The following ACOXL variants were observed in gnomAD, a reference collection of about 807,000 sequenced individuals.
The protein encoded by ACOXL is acyl-CoA oxidase like, also known as acyl-coenzyme A oxidase-like protein.
Under a neutral mutation model 71.9 loss-of-function variants are expected in ACOXL, and 70 were observed. That is an observed-to-expected ratio of 0.97 (90% CI 0.80 to 1.19). The LOEUF is 1.19. ACOXL is among the 50% of genes most tolerant of loss of function. The pLI, the probability that ACOXL is intolerant of heterozygous loss-of-function variation, is 0.00. For synonymous variants in ACOXL, 253 were observed against 281.6 expected (o/e 0.90, Z 1.02); for missense variants, 703 against 736.3 (o/e 0.95, Z 0.52).
intron 10 of ACOXL, among the ~76,000 whole-genome samples, chr2:110,844,341 TACA>T (rs982466997): frequency 2.0e-5 from 3 of 152,310 alleles, no homozygotes; most frequent in Admixed American, 6.5e-5. Flanking sequence ...TTCTGGAAAG[TACA>T]ACAACATTTG....
intron 5 of ACOXL, among the ~76,000 whole-genome samples, chr2:110,794,632 G>A (rs1334227934): frequency 5.9e-5 from 9 of 152,164 alleles, no homozygotes; most frequent in Admixed American, 4.6e-4. Flanking sequence ...ATCATGTGCT[G>A]TCCCTTACCG....
chr2:111,061,926 A>T (rs1271301302), intron 16 of ACOXL, among the ~76,000 whole-genome samples: 1 of 152,070 alleles, frequency 6.6e-6, no homozygotes, highest in Non-Finnish European at 1.5e-5. Flanking sequence ...AAGAAAAAAA[A>T]GAAATGAGAA....
At chr2:110,932,690 A>T (rs569788272) in intron 11 of ACOXL, among the ~76,000 whole-genome samples, 1 of 152,224 alleles carries the variant, frequency 6.6e-6, no homozygotes, top group African/African-American at 2.4e-5. Context: ...TTGGAACCTG[A>T]TCCTATGTGT....
intron 1 of ACOXL, among the ~76,000 whole-genome samples, chr2:110,767,349 T>G (rs1368282399): frequency 6.6e-6 from 1 of 152,048 alleles, no homozygotes; most frequent in African/African-American, 2.4e-5. Flanking sequence ...GCTGGATTGG[T>G]GGGGAGAACC....
At chr2:111,037,387 CTGT>C (rs2065567542) in intron 15 of ACOXL, among the ~76,000 whole-genome samples, 1 of 152,158 alleles carries the variant, frequency 6.6e-6, no homozygotes, top group Non-Finnish European at 1.5e-5. Flanking sequence ...CCTGAAGACT[CTGT>C]TGCCCTGGGG....
At chr2:110,812,237 G>T (rs933170581) in intron 9 of ACOXL, among the ~76,000 whole-genome samples, 2 of 152,078 alleles carry the variant, frequency 1.3e-5, no homozygotes, top group African/African-American at 4.8e-5. Flanking sequence ...GGTATAAAAT[G>T]GTTAAATAAT....
At chr2:111,117,381 C>G (rs1007221815) in intron 17 of ACOXL, among the ~76,000 whole-genome samples, 2 of 152,224 alleles carry the variant, frequency 1.3e-5, no homozygotes, top group African/African-American at 4.8e-5. Context: ...ACGCCCACCC[C>G]CTTACGGGAA....
chr2:110,894,711 G>T, intron 10 of ACOXL, among the ~76,000 whole-genome samples: 1 of 152,170 alleles, frequency 6.6e-6, no homozygotes, highest in East Asian at 1.9e-4. Context: ...TGCAGTGGTG[G>T]TGTTACAGGA....
chr2:110,862,949 A>G (rs1165629524), intron 10 of ACOXL, among the ~76,000 whole-genome samples: 2 of 152,196 alleles, frequency 1.3e-5, no homozygotes, highest in African/African-American at 4.8e-5. Flanking sequence ...ATGCACCCAC[A>G]TTCACTAGGT....
At chr2:110,915,426 A>ATTTTTT (rs1183914057) in intron 11 of ACOXL, among the ~76,000 whole-genome samples, 1 of 80,208 alleles carries the variant, frequency 1.2e-5, no homozygotes. Flanking sequence ...ATATATATAT[A>ATTTTTT]TATTTTTTTT....
intron 9 of ACOXL, among the ~76,000 whole-genome samples, chr2:110,821,395 A>G (rs939923587): frequency 7.2e-5 from 11 of 152,144 alleles, no homozygotes; most frequent in African/African-American, 2.4e-4. Context: ...CTGAGCTCCA[A>G]AGAAGAGCTG....
chr2:110,905,208 G>T (rs1314555196), intron 10 of ACOXL, among the ~76,000 whole-genome samples: 1 of 152,100 alleles, frequency 6.6e-6, no homozygotes, highest in Non-Finnish European at 1.5e-5. Context: ...TTGAAGGGGT[G>T]TGCCAAGGAG....
intron 10 of ACOXL, among the ~76,000 whole-genome samples, chr2:110,858,538 C>T (rs1324352845): frequency 6.6e-6 from 1 of 152,180 alleles, no homozygotes; most frequent in Non-Finnish European, 1.5e-5. Context: ...CCTGTGGTAG[C>T]AGTCTGCTGC....
Position 110,943,337 on chromosome 2 carries a change from G to T in ACOXL, c.1059+9695G>T, listed in dbSNP as rs939004625. On this transcript the variant is annotated intron_variant, in intron 12 of 17. Transcript: ENST00000439055. ...AGAAAAAGAAAAAGAAGGAAAGGAA[G>T]GAGGGAAGGGGAAGGAAGAGAAAGA... Among the ~76,000 whole-genome samples, 17 of 151,952 alleles carry T rather than the reference G, an allele frequency of 1.1e-4. 1 individual carries two copies. Among genetic ancestry groups the T allele is most frequent in the African/African-American group, 3.9e-4 (16 of 41,432 alleles).
intron 10 of ACOXL, among the ~76,000 whole-genome samples, chr2:110,849,888 A>C (rs558214334): frequency 6.6e-6 from 1 of 152,258 alleles, no homozygotes; most frequent in Non-Finnish European, 1.5e-5. Context: ...AGAGCAGACT[A>C]TAGGACATGT....
At chr2:110,792,203 T>C (rs1171495159) in intron 3 of ACOXL, among the ~76,000 whole-genome samples, 2 of 152,172 alleles carry the variant, frequency 1.3e-5, no homozygotes, top group Non-Finnish European at 2.9e-5. Flanking sequence ...AAAGCTGGGA[T>C]GGGGTGGGGT....
intron 17 of ACOXL, among the ~76,000 whole-genome samples, chr2:111,096,389 C>T (rs1458154561): frequency 6.6e-6 from 1 of 151,882 alleles, no homozygotes; most frequent in Non-Finnish European, 1.5e-5. Context: ...ATTATAGGCA[C>T]GTGCCACCAC....
chr2:110,857,193 C>G (rs142209468), intron 10 of ACOXL, among the ~76,000 whole-genome samples: 1 of 152,302 alleles, frequency 6.6e-6, no homozygotes, highest in East Asian at 1.9e-4. Context: ...TTGACCGACT[C>G]ACTCATGGTC....
chr2:111,105,313 T>A (rs1198239960), intron 17 of ACOXL, among the ~76,000 whole-genome samples: 1 of 152,158 alleles, frequency 6.6e-6, no homozygotes, highest in Non-Finnish European at 1.5e-5. Flanking sequence ...GCTATTCTAA[T>A]TCCTTTGCCT....
Sources: gnomAD v4.1 joint callset for allele counts (sites outside exome capture counted in the v4.1 genomes callset) on GRCh38, gnomAD v4.1.1 for gene constraint, MANE v1.5 for transcripts, NCBI Gene and HGNC (gene_info 2026-07-23, HGNC 2026-07-21) for gene names.